Variants in DDX42 observed in about 807,000 individuals in gnomAD.
The protein encoded by DDX42 is DEAD-box helicase 42, also known as ATP-dependent RNA helicase DDX42.
Under a neutral mutation model 101.5 loss-of-function variants are expected in DDX42, and 22 were observed. The observed-to-expected ratio is 0.22, with a 90% CI of 0.15 to 0.31. The LOEUF (loss-of-function observed/expected upper bound fraction) is 0.31, where lower values mean the gene tolerates loss of function less well. Ranked by LOEUF, DDX42 falls within the 10% of genes least tolerant of loss-of-function variation. The pLI is 1.00. For missense variants in DDX42, 849 were observed against 1,199.9 expected (o/e 0.71, Z 4.32); for synonymous variants, 402 against 401.2 (o/e 1.00, Z -0.02).
rs2039918095 is a variant in DDX42 at position 63,812,150 on chromosome 17, G to A, written c.1617G>A (p.Lys539=). 6.2e-7 allele frequency: 1 copy of A among 1,614,230 alleles called. No individual in the cohort carries two copies. The highest frequency in any genetic ancestry group is 8.5e-7 in the Non-Finnish European group (1 of 1,180,022). Residue 539 remains lysine, a synonymous_variant, in exon 14 of 18, where the codon AAG becomes AAA. Transcript: ENST00000389924. ...ATATGGATCAGAGTGAGAGAAACAA[G>A]GTCATTTCAGACTTTAAGAAAAAGG... ...HGDMDQSERN[K]VISDFKKKDI...
At chr17:63,799,317 A>T (rs921929299) in intron 4 of DDX42, among the ~76,000 whole-genome samples, 3 of 152,164 alleles carry the variant, frequency 2.0e-5, no homozygotes, top group African/African-American at 7.2e-5. Context: ...TGTCTTCAGA[A>T]AGTTTTTACG....
intron 9 of DDX42, among the ~76,000 whole-genome samples, chr17:63,808,276 C>T (rs1179243677): frequency 6.6e-6 from 1 of 152,222 alleles, no homozygotes; most frequent in South Asian, 2.1e-4. Flanking sequence ...CTCCCAGTTT[C>T]AAGCAATTCT....
rs11550897 is a variant in DDX42, at chr17:63,818,030, A to G, written c.2449A>G (p.Ser817Gly). Residue 817 changes from serine (S) to glycine (G), a missense_variant, in exon 18 of 18, where the codon AGC becomes GGC. By Grantham distance (56) the Ser-to-Gly change is moderately conservative (BLOSUM62 0). Around this residue, in one of 5 missense-constraint regions of DDX42, gnomAD observed 300 missense variants for 304.9 expected, o/e 0.98. Coordinates refer to ENST00000389924, the MANE Select transcript of DDX42 (RefSeq NM_203499.3). Reference protein sequence around the residue: ...RERYTENRGSSRHSHGETGNR... With the variant: ...RERYTENRGSGRHSHGETGNR... ...GAGATATACTGAGAACCGGGGCAGCAGCCGTCACAGTCACGGAGAGACTGG... is the reference window on the plus strand; with the variant it reads ...GAGATATACTGAGAACCGGGGCAGCGGCCGTCACAGTCACGGAGAGACTGG... The G allele has an allele frequency of 6.2e-7, 1 of 1,614,130 alleles. No homozygotes were observed. Among genetic ancestry groups the G allele is most frequent in the East Asian group, 2.2e-5 (1 of 44,888 alleles).
At position 63,787,699 on chromosome 17, in the gene DDX42, G is replaced by A. The variant is rs759514431; in HGVS notation, c.221+429G>A. Among the ~76,000 whole-genome samples, 6 of 152,012 alleles carry A rather than the reference G, an allele frequency of 3.9e-5. No individual in the cohort carries two copies. In the South Asian group the frequency reaches 1.0e-3, roughly 26 times the overall value. On this transcript the variant is annotated intron_variant, in intron 2 of 17. Transcript: ENST00000389924. ...TAAAAATACAAAACATTAGCCAGGC[G>A]TGGTGGTGCACGCCTATAATCCCAA...
intron 5 of DDX42, 139 bp downstream of exon 5, chr17:63,799,764 C>T: frequency 3.9e-6 from 3 of 775,490 alleles, no homozygotes; most frequent in Non-Finnish European, 6.0e-6. Context: ...TCCTTTTGTA[C>T]CTGTGTGACC....
In DDX42 at chr17:63,810,580, G is replaced by C. The variant is rs1326103661; in HGVS notation, c.1300+20G>C. 1 of 1,613,170 alleles carries C rather than the reference G, an allele frequency of 6.2e-7. No individual in the cohort carries two copies. On this transcript the variant is annotated intron_variant, in intron 12 of 17. Transcript: ENST00000389924. ...GGCAGAGTATGTATGAAGCACCTTT[G>C]TTAAACCAAATTTGTACTAAAAAGG...
At chr17:63,805,291 C>A in intron 7 of DDX42, 116 bp downstream of exon 7, 1 of 1,283,444 alleles carries the variant, frequency 7.8e-7, no homozygotes, top group Non-Finnish European at 1.1e-6. Context: ...TCTGAACTGT[C>A]TTTGCCAGAG....
chr17:63,815,763 CAG>C, intron 16 of DDX42, 90 bp downstream of exon 16: 1 of 882,236 alleles, frequency 1.1e-6, no homozygotes, highest in Non-Finnish European at 1.7e-6. Flanking sequence ...AGGAAAGCCT[CAG>C]TGAGTTTAAA....
intron 9 of DDX42, 109 bp from the exon 10 acceptor site, chr17:63,808,711 G>A (rs907302610): frequency 6.6e-6 from 9 of 1,364,670 alleles, no homozygotes; most frequent in South Asian, 2.7e-5. Flanking sequence ...GTATGTTCTA[G>A]GTTTCGATTT....
At chr17:63,774,420 G>A (rs2039389583) in intron 1 of DDX42, 44 bp downstream of exon 1, 1 of 219,202 alleles carries the variant, frequency 4.6e-6, no homozygotes, top group Non-Finnish European at 9.0e-6. Context: ...CAGTCCTTGG[G>A]GGCACTGGAG....
At chr17:63,800,722 G>A (rs2039752630) in intron 6 of DDX42, 105 bp downstream of exon 6, 6 of 1,379,998 alleles carry the variant, frequency 4.3e-6, no homozygotes, top group African/African-American at 2.9e-5. Context: ...CATCATGAGC[G>A]TATGCATCTT....
At chr17:63,779,426 G>A (rs2039459770) in intron 1 of DDX42, among the ~76,000 whole-genome samples, 1 of 151,980 alleles carries the variant, frequency 6.6e-6, no homozygotes, top group Admixed American at 6.6e-5. Context: ...ACCACACCTG[G>A]GTAATTTTTG....
At chr17:63,790,805 C>T (rs1291008989) in intron 2 of DDX42, among the ~76,000 whole-genome samples, 1 of 151,914 alleles carries the variant, frequency 6.6e-6, no homozygotes, top group Non-Finnish European at 1.5e-5. Flanking sequence ...GTGGCGTGCA[C>T]CTGTAATGCC....
intron 7 of DDX42, 95 bp from the exon 8 acceptor site, chr17:63,806,440 C>T: frequency 2.2e-6 from 3 of 1,344,224 alleles, no homozygotes; most frequent in East Asian, 2.7e-5. Context: ...CTTCATACTC[C>T]AGCTAAAATG....
intron 6 of DDX42, among the ~76,000 whole-genome samples, chr17:63,804,743 G>A (rs951270930): frequency 1.3e-5 from 2 of 152,190 alleles, no homozygotes; most frequent in Admixed American, 1.3e-4. Flanking sequence ...CTACTTGGGA[G>A]GCTGAGGTGG....
intron 2 of DDX42, among the ~76,000 whole-genome samples, chr17:63,789,445 C>T (rs950347446): frequency 1.3e-5 from 2 of 151,562 alleles, no homozygotes; most frequent in Non-Finnish European, 2.9e-5. Context: ...AACTCCTGGG[C>T]TCAAGTGATC....
intron 2 of DDX42, among the ~76,000 whole-genome samples, chr17:63,788,223 T>A (rs2039573471): frequency 6.7e-6 from 1 of 149,616 alleles, no homozygotes; most frequent in Non-Finnish European, 1.5e-5. Flanking sequence ...TTTACTGCAG[T>A]CTTTTACTGA....
intron 1 of DDX42, chr17:63,776,342 C>T (rs909896391): frequency 6.6e-6 from 1 of 152,368 alleles, no homozygotes; most frequent in African/African-American, 2.4e-5. Context: ...CACGTCTCTA[C>T]CCAGCTTTCA....
At chr17:63,794,935 T>TAA (rs11352891) in intron 3 of DDX42, among the ~76,000 whole-genome samples, 5 of 133,408 alleles carry the variant, frequency 3.7e-5, no homozygotes, top group African/African-American at 8.3e-5. Context: ...GACTCCATCT[T>TAA]AAAAAAAAAA....
Sources: allele counts gnomAD v4.1 joint callset (sites outside exome capture counted in the v4.1 genomes callset), GRCh38; gene constraint gnomAD v4.1.1; regional missense constraint gnomAD v4.1.1; transcripts MANE v1.5; gene names NCBI Gene and HGNC (gene_info 2026-07-23, HGNC 2026-07-21).